The following VAV3 variants were observed in gnomAD, a reference collection of about 807,000 sequenced individuals.
The protein encoded by VAV3 is vav guanine nucleotide exchange factor 3, also known as guanine nucleotide exchange factor VAV3.
A neutral mutation model predicts 131.2 loss-of-function variants in VAV3; 94 were observed. That is an observed-to-expected ratio of 0.72 (90% CI 0.61 to 0.85). VAV3 has a LOEUF of 0.85. Ranked by LOEUF, VAV3 falls within the 40% of genes least tolerant of loss-of-function variation. The pLI, the probability that VAV3 is intolerant of heterozygous loss-of-function variation, is 0.00. For missense variants in VAV3, 939 were observed against 1,002.7 expected (o/e 0.94, Z 0.86); for synonymous variants, 349 against 342.0 (o/e 1.02, Z -0.22).
intron 15 of VAV3, among the ~76,000 whole-genome samples, chr1:107,728,600 C>CGTATACGTATATGTATACGTATAT (rs375667378): frequency 7.3e-6 from 1 of 136,908 alleles, no homozygotes; most frequent in Admixed American, 7.6e-5. Flanking sequence ...TATACGTATA[C>CGTATACGTATATGTATACGTATAT]GTATATGTAT....
At chr1:107,643,038 C>T (rs1431682417) in intron 19 of VAV3, among the ~76,000 whole-genome samples, 1 of 152,108 alleles carries the variant, frequency 6.6e-6, no homozygotes. Context: ...TCAGCTGATG[C>T]CTGCTTCATA....
intron 1 of VAV3, among the ~76,000 whole-genome samples, chr1:107,956,860 T>TAAAA (rs1674840761): frequency 6.6e-6 from 1 of 151,966 alleles, no homozygotes; most frequent in African/African-American, 2.4e-5. Context: ...TTTACCAGGG[T>TAAAA]TTTGTTTATC....
chr1:107,646,285 A>G (rs558895710), intron 19 of VAV3, among the ~76,000 whole-genome samples: 6 of 152,058 alleles, frequency 3.9e-5, no homozygotes, highest in Admixed American at 1.3e-4. Context: ...AACTAATCTC[A>G]GAAAGTTGCT....
intron 2 of VAV3, among the ~76,000 whole-genome samples, chr1:107,812,787 TG>T (rs1667381006): frequency 2.0e-5 from 3 of 152,072 alleles, no homozygotes; most frequent in Admixed American, 2.0e-4. Context: ...GGATTTGGCA[TG>T]GGGGTTGAAG....
chr1:107,884,434 T>C (rs4523538), intron 1 of VAV3, among the ~76,000 whole-genome samples: 95,849 of 145,034 alleles, frequency 0.66, 32,036 homozygotes, highest in Non-Finnish European at 0.72. Flanking sequence ...TTATTATTAT[T>C]ATTATTATTA....
At chr1:107,918,305 A>C (rs1413840305) in intron 1 of VAV3, among the ~76,000 whole-genome samples, 1 of 152,208 alleles carries the variant, frequency 6.6e-6, no homozygotes, top group African/African-American at 2.4e-5. Flanking sequence ...TGGAACTAAA[A>C]ACCAGAGTGC....
At chr1:107,701,799 C>G (rs780387628) in intron 17 of VAV3, among the ~76,000 whole-genome samples, 1 of 152,164 alleles carries the variant, frequency 6.6e-6, no homozygotes, top group Non-Finnish European at 1.5e-5. Context: ...GACCTTTACT[C>G]CAATTCCCAA....
intron 15 of VAV3, among the ~76,000 whole-genome samples, chr1:107,716,969 G>A (rs940725403): frequency 6.6e-6 from 1 of 152,166 alleles, no homozygotes; most frequent in Non-Finnish European, 1.5e-5. Context: ...AGTCTTGGGA[G>A]GGAGTATCTG....
intron 2 of VAV3, among the ~76,000 whole-genome samples, chr1:107,873,256 A>G (rs946432616): frequency 2.0e-5 from 3 of 152,198 alleles, no homozygotes; most frequent in Admixed American, 6.5e-5. Flanking sequence ...TCTAGCATGC[A>G]ATCTCATTCC....
rs34849497 is a variant in VAV3 at position 107,606,803 on chromosome 1, C to CTTT, written c.2015+3125_2015+3127dup. Reference sequence around the variant, plus strand: ...TGTCTGCTCACTCCAATGGTTTCTTCTTTTTTTTTTTTTTTTTTTTTTTTT... The same window carrying CTTT: ...TGTCTGCTCACTCCAATGGTTTCTTCTTTTTTTTTTTTTTTTTTTTTTTTTTTT... On this transcript the variant is annotated intron_variant, in intron 22 of 26. Transcript: ENST00000370056. 3.6e-4 allele frequency among the ~76,000 whole-genome samples: 21 copies of CTTT among 58,000 alleles called. 2 individuals are homozygous for CTTT. The highest frequency in any genetic ancestry group is 7.7e-4 in the African/African-American group (11 of 14,342). The allele number at this position is 58,000 out of a possible 152,430, so 38.1% of individuals were successfully genotyped here. A position where few individuals can be genotyped will look rare whatever the true frequency, so the allele number is the denominator to read the frequency against.
At chr1:107,837,194 T>C (rs1477554675) in intron 2 of VAV3, among the ~76,000 whole-genome samples, 2 of 152,100 alleles carry the variant, frequency 1.3e-5, no homozygotes, top group South Asian at 2.1e-4. Flanking sequence ...AAACCAACTC[T>C]AGAAGCACAT....
intron 19 of VAV3, 93 bp from the exon 20 acceptor site, chr1:107,642,848 A>G: frequency 1.3e-6 from 2 of 1,543,082 alleles, no homozygotes; most frequent in Non-Finnish European, 1.8e-6. Flanking sequence ...TTAACATTAA[A>G]AAGTGTTAAT....
At chr1:107,727,030 C>T (rs79558587) in intron 15 of VAV3, among the ~76,000 whole-genome samples, 12 of 152,242 alleles carry the variant, frequency 7.9e-5, no homozygotes, top group African/African-American at 1.4e-4. Flanking sequence ...ATCATAACAA[C>T]GGTTGGGTAG....
At chr1:107,923,731 AAC>A (rs1418903950) in intron 1 of VAV3, among the ~76,000 whole-genome samples, 1 of 152,124 alleles carries the variant, frequency 6.6e-6, no homozygotes, top group Non-Finnish European at 1.5e-5. Context: ...GCATGGGTGA[AAC>A]TGCCCCATGT....
At chr1:107,823,621 C>T (rs1339696988) in intron 2 of VAV3, among the ~76,000 whole-genome samples, 2 of 152,158 alleles carry the variant, frequency 1.3e-5, no homozygotes, top group Admixed American at 6.5e-5. Flanking sequence ...AGGAAAGTCA[C>T]GAGACTGTCT....
intron 2 of VAV3, among the ~76,000 whole-genome samples, 186 bp from the exon 3 acceptor site, chr1:107,779,678 T>TA (rs1158432785): frequency 6.6e-6 from 1 of 152,130 alleles, no homozygotes; most frequent in East Asian, 1.9e-4. Context: ...ATTTTATAAT[T>TA]ATTACTTAAA....
chr1:107,690,999 T>A (rs1362079802), intron 17 of VAV3, among the ~76,000 whole-genome samples: 1 of 152,182 alleles, frequency 6.6e-6, no homozygotes, highest in Non-Finnish European at 1.5e-5. Flanking sequence ...TTTCTAAGAA[T>A]AAGGCAAAAC....
chr1:107,736,969 A>G (rs1445316079), intron 15 of VAV3, among the ~76,000 whole-genome samples: 1 of 152,220 alleles, frequency 6.6e-6, no homozygotes, highest in Non-Finnish European at 1.5e-5. Context: ...ACAAGGCTAC[A>G]GTAACCAAAA....
intron 19 of VAV3, among the ~76,000 whole-genome samples, chr1:107,656,456 G>A (rs1019476141): frequency 6.6e-6 from 1 of 152,138 alleles, no homozygotes; most frequent in Non-Finnish European, 1.5e-5. Context: ...ACCAGAGGCT[G>A]GGAAGTGGGG....
Sources: allele counts gnomAD v4.1 joint callset (sites outside exome capture counted in the v4.1 genomes callset), GRCh38; gene constraint gnomAD v4.1.1; transcripts MANE v1.5; gene names NCBI Gene and HGNC (gene_info 2026-07-23, HGNC 2026-07-21).